Variants in CCDC102B observed in about 807,000 individuals in gnomAD.
The protein encoded by CCDC102B is coiled-coil domain containing 102B, also known as coiled-coil domain-containing protein 102B.
Under a neutral mutation model 57.4 loss-of-function variants are expected in CCDC102B, and 75 were observed. The observed-to-expected ratio is 1.31, with a 90% CI of 1.08 to 1.58. The LOEUF (loss-of-function observed/expected upper bound fraction) is 1.58, where lower values mean the gene tolerates loss of function less well. Among genes scored for constraint, CCDC102B ranks in the 40% most tolerant of loss-of-function variants. The probability of loss-of-function intolerance (pLI) is 0.00; values close to 1 mark genes in which losing one functional copy is unlikely to be tolerated. For missense variants in CCDC102B, 636 were observed against 582.6 expected, an observed-to-expected ratio of 1.09 and a Z score of -0.94; for synonymous variants, 206 against 201.9, an observed-to-expected ratio of 1.02 and a Z score of -0.17.
At position 68,846,305 on chromosome 18, in the gene CCDC102B, T is replaced by C; in HGVS notation, c.828-8T>C. On this transcript the variant is annotated splice_region_variant and splice_polypyrimidine_tract_variant and intron_variant, in intron 3 of 7. Transcript: ENST00000360242. Reference sequence around the variant, plus strand: ...GACTTTTTTTCTTTTAATTCTTAAATTATTTAGAATGCGCACAGCTTTGGA... The same window carrying C: ...GACTTTTTTTCTTTTAATTCTTAAACTATTTAGAATGCGCACAGCTTTGGA... The C allele has an allele frequency of 6.8e-7, 1 of 1,465,784 alleles. No homozygotes were observed. The highest frequency in any genetic ancestry group is 9.0e-7 in the Non-Finnish European group (1 of 1,109,252). The allele number at this position is 1,465,784 out of a possible 1,614,324, so 90.8% of individuals were successfully genotyped here.
chr18:68,790,705 A>T (rs546925557), intron 2 of CCDC102B, among the ~76,000 whole-genome samples: 2 of 152,110 alleles, frequency 1.3e-5, no homozygotes, highest in South Asian at 4.2e-4. Flanking sequence ...CGGTGCGCGC[A>T]CCCACTGACC....
intron 2 of CCDC102B, among the ~76,000 whole-genome samples, chr18:68,785,837 A>T (rs1306588892): frequency 6.6e-6 from 1 of 151,276 alleles, no homozygotes; most frequent in East Asian, 1.9e-4. Flanking sequence ...GTTTAATTAG[A>T]TCCCATTTGT....
chr18:68,990,500 A>C (rs922070795), intron 6 of CCDC102B, among the ~76,000 whole-genome samples: 6 of 152,044 alleles, frequency 3.9e-5, no homozygotes, highest in African/African-American at 1.4e-4. Context: ...GGAAAGCCTC[A>C]TTTTTTGTTT....
In CCDC102B at chr18:69,054,242, T is replaced by C. The variant is rs983776055; in HGVS notation, c.*105T>C. ...TGTTTTTATTAACTAGAAATATTAA[T>C]GAAAAAAACGTAGACAATACACAAA... On this transcript the variant is annotated 3_prime_UTR_variant, in exon 8 of 8. Coordinates refer to ENST00000360242, the MANE Select transcript of CCDC102B (RefSeq NM_024781.3). 5.7e-5 allele frequency: 79 copies of C among 1,380,380 alleles called. No individual in the cohort carries two copies. The South Asian group carries it at 1.3e-3, about 23-fold the overall frequency. 85.5% of individuals were successfully genotyped at this position (1,380,380 alleles called of 1,614,324 possible). A position where few individuals can be genotyped will look rare whatever the true frequency, so the allele number is the denominator to read the frequency against.
At chr18:68,930,908 A>G (rs189827955) in intron 6 of CCDC102B, among the ~76,000 whole-genome samples, 1 of 152,060 alleles carries the variant, frequency 6.6e-6, no homozygotes, top group African/African-American at 2.4e-5. Context: ...AGTTACACGA[A>G]CACATACACT....
At chr18:68,806,710 T>G (rs1326666200) in intron 1 of CCDC102B, among the ~76,000 whole-genome samples, 1 of 152,126 alleles carries the variant, frequency 6.6e-6, no homozygotes, top group Non-Finnish European at 1.5e-5. Flanking sequence ...TTAAAGTAGC[T>G]ACATTTAAAA....
At chr18:68,724,035 T>C (rs2032480760) in intron 2 of CCDC102B, among the ~76,000 whole-genome samples, 1 of 152,232 alleles carries the variant, frequency 6.6e-6, no homozygotes, top group African/African-American at 2.4e-5. Context: ...ACCTCAGTTA[T>C]TGACTTCTGT....
At chr18:69,032,053 T>C (rs928512356) in intron 7 of CCDC102B, among the ~76,000 whole-genome samples, 1 of 152,118 alleles carries the variant, frequency 6.6e-6, no homozygotes, top group Non-Finnish European at 1.5e-5. Flanking sequence ...ATTTGGAGAT[T>C]AGGCCAGGTG....
chr18:69,057,196 T>C (rs2052832164), downstream of CCDC102B, among the ~76,000 whole-genome samples: 1 of 152,070 alleles, frequency 6.6e-6, no homozygotes, highest in Non-Finnish European at 1.5e-5. Flanking sequence ...GTTTTTGTTA[T>C]GGCAGCACTG....
intron 2 of CCDC102B, among the ~76,000 whole-genome samples, chr18:68,719,800 T>C (rs1268155235): frequency 2.0e-5 from 3 of 152,094 alleles, no homozygotes; most frequent in Non-Finnish European, 2.9e-5. Flanking sequence ...AATCAAAAAA[T>C]AGGGAACACT....
chr18:68,891,478 G>T (rs1439350774), intron 5 of CCDC102B, among the ~76,000 whole-genome samples: 1 of 152,100 alleles, frequency 6.6e-6, no homozygotes, highest in African/African-American at 2.4e-5. Context: ...TTCTCATTTT[G>T]TTTTCTACTT....
At chr18:69,026,675 G>A (rs1451621745) in intron 7 of CCDC102B, among the ~76,000 whole-genome samples, 1 of 152,036 alleles carries the variant, frequency 6.6e-6, no homozygotes, top group Non-Finnish European at 1.5e-5. Flanking sequence ...GTTCTGGGGC[G>A]GGAGAAGAAG....
chr18:68,782,634 G>A (rs975252108), intron 2 of CCDC102B, among the ~76,000 whole-genome samples: 4 of 152,108 alleles, frequency 2.6e-5, no homozygotes, highest in African/African-American at 9.7e-5. Flanking sequence ...CAGAGACACT[G>A]TCTTCACTCT....
rs1378475950 is a variant in CCDC102B at position 68,935,668 on chromosome 18, T to C, written c.1263+38240T>C. Among the ~76,000 whole-genome samples the C allele has an allele frequency of 2.6e-5, 4 of 151,874 alleles. No individual in the cohort carries two copies. In the East Asian group the frequency reaches 7.8e-4, roughly 30 times the overall value. The stretch of plus-strand genomic sequence containing the variant: ...AAATACCCAGATGAACACGAATTGA[T>C]AGAAAAGCAACCAGGCCAGAAGATT... On this transcript the variant is annotated intron_variant, in intron 6 of 7. Coordinates refer to ENST00000360242, the MANE Select transcript of CCDC102B (RefSeq NM_024781.3).
At chr18:68,966,342 A>C (rs117584047) in intron 6 of CCDC102B, among the ~76,000 whole-genome samples, 1,682 of 152,224 alleles carry the variant, frequency 0.011, 19 homozygotes, top group Non-Finnish European at 0.017. Flanking sequence ...GTTAACTCAC[A>C]ATCCTTTGTT....
At chr18:69,010,090 C>T (rs2051469161) in intron 6 of CCDC102B, among the ~76,000 whole-genome samples, 1 of 124,592 alleles carries the variant, frequency 8.0e-6, no homozygotes, top group Non-Finnish European at 1.6e-5. Context: ...CGCCACCATG[C>T]CCGGCTAATT....
At chr18:68,917,385 C>A (rs1218839999) in intron 6 of CCDC102B, among the ~76,000 whole-genome samples, 2 of 151,940 alleles carry the variant, frequency 1.3e-5, no homozygotes, top group Non-Finnish European at 2.9e-5. Context: ...CATAGCTACA[C>A]GTACTGTGGA....
chr18:68,750,731 T>C (rs905138320), intron 2 of CCDC102B, among the ~76,000 whole-genome samples: 1 of 136,822 alleles, frequency 7.3e-6, no homozygotes, highest in African/African-American at 2.8e-5. Flanking sequence ...TTCTCACTCA[T>C]AGGTGGGAAT....
At chr18:68,777,554 C>T (rs1444641792) in intron 2 of CCDC102B, among the ~76,000 whole-genome samples, 2 of 152,084 alleles carry the variant, frequency 1.3e-5, no homozygotes, top group Non-Finnish European at 2.9e-5. Flanking sequence ...GTTATTTCTC[C>T]TTTTATTCTA....
Sources: gnomAD v4.1 joint callset for allele counts (sites outside exome capture counted in the v4.1 genomes callset) on GRCh38, gnomAD v4.1.1 for gene constraint, MANE v1.5 for transcripts, NCBI Gene and HGNC (gene_info 2026-07-23, HGNC 2026-07-21) for gene names.